The following RBBP8NL variants were observed in gnomAD, a reference collection of about 807,000 sequenced individuals.
RBBP8NL encodes the protein RBBP8 N-terminal-like protein.
Under a neutral mutation model 62.2 loss-of-function variants are expected in RBBP8NL, and 59 were observed. That is an observed-to-expected ratio of 0.95 (90% CI 0.77 to 1.18). The LOEUF is 1.18. Ranked by LOEUF, RBBP8NL falls within the 50% of genes most tolerant of loss-of-function variation. The pLI is 0.00. For missense variants in RBBP8NL, 896 were observed against 899.5 expected (o/e 1.00, Z 0.05); for synonymous variants, 412 against 394.1 (o/e 1.05, Z -0.54).
intron 3 of RBBP8NL, among the ~76,000 whole-genome samples, 173 bp downstream of exon 3, chr20:62,418,250 C>T (rs569431634): frequency 1.2e-4 from 19 of 152,308 alleles, no homozygotes; most frequent in African/African-American, 3.4e-4. Flanking sequence ...GTGCTGGCTT[C>T]GCTGCCTGCT....
intron 13 of RBBP8NL, among the ~76,000 whole-genome samples, chr20:62,412,339 A>G (rs1161138642): frequency 6.6e-6 from 1 of 152,154 alleles, no homozygotes; most frequent in Non-Finnish European, 1.5e-5. Context: ...GAAATCTCCT[A>G]CGATCCCTAA....
In RBBP8NL at chr20:62,413,432, G is replaced by T; in HGVS notation, c.1644C>A (p.His548Gln). 1 of 1,461,382 alleles carries T rather than the reference G, an allele frequency of 6.8e-7. No homozygotes were observed. The highest frequency in any genetic ancestry group is 9.0e-7 in the Non-Finnish European group (1 of 1,107,970). 90.5% of individuals were successfully genotyped at this position (1,461,382 alleles called of 1,614,324 possible). A position where few individuals can be genotyped will look rare whatever the true frequency, so the allele number is the denominator to read the frequency against. Residue 548 changes from histidine (H) to glutamine (Q), a missense_variant, in exon 11 of 14, where the codon CAC becomes CAA. By Grantham distance (24) the His-to-Gln change is conservative. Coordinates refer to ENST00000252998, the MANE Select transcript of RBBP8NL (RefSeq NM_080833.3). Reference protein sequence around the residue: ...LPPPHPQPPPHPQPPDLDGHP... With the variant: ...LPPPHPQPPPQPQPPDLDGHP... ...GGCCGTCCAGGTCAGGCGGCTGTGG[G>T]TGGGGAGGCGGCTGTGGGTGGGGAG...
intron 1 of RBBP8NL, among the ~76,000 whole-genome samples, chr20:62,426,924 C>T (rs942153260): frequency 2.6e-5 from 4 of 152,352 alleles, no homozygotes; most frequent in African/African-American, 4.8e-5. Flanking sequence ...CCTGCCCTGC[C>T]GGCTGGCTCC....
chr20:62,414,807 A>G (rs1413482470), intron 9 of RBBP8NL, among the ~76,000 whole-genome samples: 1 of 152,192 alleles, frequency 6.6e-6, no homozygotes, highest in Non-Finnish European at 1.5e-5. Flanking sequence ...GTGGGGCCAG[A>G]TGCCGAGGCC....
Position 62,417,192 on chromosome 20 carries a change from G to A in RBBP8NL, c.200+32C>T, listed in dbSNP as rs34903645. On this transcript the variant is annotated intron_variant, in intron 4 of 13. Coordinates refer to ENST00000252998, the MANE Select transcript of RBBP8NL (RefSeq NM_080833.3). ...CTCCTCTCCTGAGCCCACCGGTCCTGGCCATGCTGCGAGGTGTCCTCCCAG... is the reference window on the plus strand; with the variant it reads ...CTCCTCTCCTGAGCCCACCGGTCCTAGCCATGCTGCGAGGTGTCCTCCCAG... 5,717 of 1,527,600 alleles carry A rather than the reference G, an allele frequency of 3.7e-3. 21 individuals carry two copies. The highest frequency in any genetic ancestry group is 4.3e-3 in the Non-Finnish European group (4,841 of 1,117,664). 94.6% of individuals were successfully genotyped at this position (1,527,600 alleles called of 1,614,324 possible). A position where few individuals can be genotyped will look rare whatever the true frequency, so the allele number is the denominator to read the frequency against.
chr20:62,426,747 A>G (rs1476235227), intron 1 of RBBP8NL, among the ~76,000 whole-genome samples: 1 of 152,184 alleles, frequency 6.6e-6, no homozygotes, highest in Non-Finnish European at 1.5e-5. Flanking sequence ...ACAGCTGCAC[A>G]CGCATGTTGT....
At position 62,414,423 on chromosome 20, in the gene RBBP8NL, G is replaced by T; in HGVS notation, c.928C>A (p.Pro310Thr). ...LQSPHSSPLA[P>T]AAAPSDPRLQ... ...CGGGGGTCGCTGGGGGCTGCAGCAGGGGCCAGGGGGCTGCTGTGGGGGCTC... is the reference window on the plus strand; with the variant it reads ...CGGGGGTCGCTGGGGGCTGCAGCAGTGGCCAGGGGGCTGCTGTGGGGGCTC... The change falls in exon 10 of 14, where the codon CCT becomes ACT. Residue 310 changes from proline (P) to threonine (T), a missense_variant. Pro to Thr is a conservative substitution (Grantham distance 38). Coordinates refer to ENST00000252998, the MANE Select transcript of RBBP8NL (RefSeq NM_080833.3). 6.6e-7 allele frequency: 1 copy of T among 1,523,358 alleles called. No individual in the cohort carries two copies. Among genetic ancestry groups the T allele is most frequent in the Non-Finnish European group, 8.9e-7 (1 of 1,129,116 alleles). The allele number at this position is 1,523,358 out of a possible 1,614,324, so 94.4% of individuals were successfully genotyped here.
Position 62,413,836 on chromosome 20 carries a change from C to T in RBBP8NL, c.1515G>A (p.Glu505=), listed in dbSNP as rs1601485609. The T allele has an allele frequency of 6.3e-7, 1 of 1,597,140 alleles. No homozygotes were observed. The highest frequency in any genetic ancestry group is 8.5e-7 in the Non-Finnish European group (1 of 1,173,154). ...TKGTRVPEQE[E]ASTPMDPSRP... ...GGCTCCTTACCATGGGAGTGGAAGC[C>T]TCCTCCTGCTCTGGCACTCTGGTCC... The change falls in exon 10 of 14, where the codon GAG becomes GAA. Residue 505 remains glutamate (E), a synonymous_variant. Coordinates refer to ENST00000252998, the MANE Select transcript of RBBP8NL (RefSeq NM_080833.3).
chr20:62,421,016 G>A (rs1988685237), intron 1 of RBBP8NL, among the ~76,000 whole-genome samples: 1 of 152,062 alleles, frequency 6.6e-6, no homozygotes, highest in Non-Finnish European at 1.5e-5. Context: ...AGTGAGCCTG[G>A]GGGCGCTGTG....
Position 62,415,951 on chromosome 20 carries a change from G to C in RBBP8NL, c.387-6C>G. On this transcript the variant is annotated splice_polypyrimidine_tract_variant and splice_region_variant and intron_variant, in intron 6 of 13. Coordinates refer to ENST00000252998, the MANE Select transcript of RBBP8NL (RefSeq NM_080833.3). ...CCCGGGGCTTGGGCCTGTCTCTAGA[G>C]GGGAGGCAGAGACAGGGAGGGTGAG... 6.6e-7 allele frequency: 1 copy of C among 1,520,908 alleles called. No individual in the cohort carries two copies. Among genetic ancestry groups the C allele is most frequent in the Non-Finnish European group, 8.8e-7 (1 of 1,134,374 alleles). The allele number at this position is 1,520,908 out of a possible 1,614,324, so 94.2% of individuals were successfully genotyped here.
intron 2 of RBBP8NL, 24 bp from the exon 3 acceptor site, chr20:62,418,489 G>A (rs542283245): frequency 1.3e-6 from 2 of 1,545,100 alleles, no homozygotes; most frequent in East Asian, 2.4e-5. Flanking sequence ...CAGAGGGGCG[G>A]GGGGTCAGGC....
intron 9 of RBBP8NL, 92 bp downstream of exon 9, chr20:62,415,029 T>G: frequency 3.9e-6 from 5 of 1,293,388 alleles, no homozygotes; most frequent in South Asian, 1.6e-5. Flanking sequence ...TTCAGGGCTG[T>G]GAGGGATAAT....
At position 62,423,930 on chromosome 20, in the gene RBBP8NL, A is replaced by C. The variant is rs1176834209; in HGVS notation, c.-84+3530T>G. Among the ~76,000 whole-genome samples the C allele has an allele frequency of 2.0e-5, 3 of 152,138 alleles. No individual in the cohort carries two copies. The East Asian group carries it at 5.8e-4, about 29-fold the overall frequency. ...CAGTGGGGCTGGCTTTTTCTTCCCG[A>C]GTCAGCCTTCTCTGGGTTTGTTGGG... is the stretch of plus-strand genomic sequence containing the variant. On this transcript the variant is annotated intron_variant, in intron 1 of 13. Coordinates refer to ENST00000252998, the MANE Select transcript of RBBP8NL (RefSeq NM_080833.3).
intron 8 of RBBP8NL, 78 bp downstream of exon 8, chr20:62,415,500 C>T: frequency 3.3e-6 from 5 of 1,506,508 alleles, no homozygotes; most frequent in Non-Finnish European, 4.6e-6. Context: ...GGCTGGCATA[C>T]TGAAAGTGCA....
chr20:62,410,928 C>T lies in RBBP8NL; in HGVS notation c.1945G>A (p.Ala649Thr), dbSNP rs150417305. ...ATEGPGSPRD[A>T]EDHSPSPNSS... Reference sequence around the variant, plus strand: ...TTGGGGGAGGGACTGTGGTCCTCGGCGTCCCTTGGGCTCCCGGGCCCCTCA... The same window carrying T: ...TTGGGGGAGGGACTGTGGTCCTCGGTGTCCCTTGGGCTCCCGGGCCCCTCA... The change falls in exon 14 of 14, where the codon GCC becomes ACC. Residue 649 changes from alanine to threonine, a missense_variant. Physicochemically the swap from Ala to Thr is moderately conservative, Grantham distance 58. Transcript: ENST00000252998. 38 of 1,613,608 alleles carry T rather than the reference C, an allele frequency of 2.4e-5. No individual in the cohort carries two copies. The highest frequency in any genetic ancestry group is 6.7e-5 in the East Asian group (3 of 44,880).
Position 62,415,278 on chromosome 20 carries a change from G to C in RBBP8NL, c.637C>G (p.Arg213Gly). The C allele has an allele frequency of 1.3e-6, 2 of 1,571,504 alleles. No homozygotes were observed. The highest frequency in any genetic ancestry group is 1.7e-6 in the Non-Finnish European group (2 of 1,166,204). The change falls in exon 9 of 14, where the codon CGC (arginine) becomes GGC (glycine). Residue 213 changes from arginine to glycine, a missense_variant. By Grantham distance (125) the Arg-to-Gly change is moderately radical. Transcript: ENST00000252998. ...GTCCCGTGCAGCTGGTTGGAGATGCGCTGGGGGCTCTGTGAGGATGGGTGG... is the reference window on the plus strand; with the variant it reads ...GTCCCGTGCAGCTGGTTGGAGATGCCCTGGGGGCTCTGTGAGGATGGGTGG... ...ESRAPDMSPQ[R>G]ISNQLHGTIA... is the part of the protein sequence containing the mutation.
chr20:62,422,372 A>G (rs1988719418), intron 1 of RBBP8NL, among the ~76,000 whole-genome samples: 1 of 151,524 alleles, frequency 6.6e-6, no homozygotes, highest in Non-Finnish European at 1.5e-5. Context: ...CAGCGTGGCC[A>G]AACCACCCAA....
intron 1 of RBBP8NL, among the ~76,000 whole-genome samples, chr20:62,420,189 C>T (rs1988667952): frequency 6.6e-6 from 1 of 152,118 alleles, no homozygotes; most frequent in Non-Finnish European, 1.5e-5. Flanking sequence ...CAGACCTCAC[C>T]AGTAAGAGCC....
rs918646951 is a variant in RBBP8NL, at chr20:62,419,702, G to T, written c.-55C>A. ...CTGCGCTGGGGTTGTGGAGACGCCT[G>T]CAGCCTCTACTGCCCCTCTGTGTCC... On this transcript the variant is annotated 5_prime_UTR_variant, in exon 2 of 14. Coordinates refer to ENST00000252998, the MANE Select transcript of RBBP8NL (RefSeq NM_080833.3). 25 of 1,579,458 alleles carry T rather than the reference G, an allele frequency of 1.6e-5. No individual in the cohort carries two copies. Among genetic ancestry groups the T allele is most frequent in the Middle Eastern group, 1.7e-4 (1 of 6,024 alleles).
Sources: gnomAD v4.1 joint callset for allele counts (sites outside exome capture counted in the v4.1 genomes callset) on GRCh38, gnomAD v4.1.1 for gene constraint, MANE v1.5 for transcripts, NCBI Gene and HGNC (gene_info 2026-07-23, HGNC 2026-07-21) for gene names.